Variants in CYP39A1 observed in about 807,000 individuals in gnomAD.
CYP39A1 encodes the protein 24-hydroxycholesterol 7-alpha-hydroxylase.
In CYP39A1, 49 loss-of-function variants were observed where a neutral mutation model predicts 58.1. The observed-to-expected ratio is 0.84, with a 90% CI of 0.67 to 1.07. CYP39A1 has a LOEUF of 1.07. Ranked by LOEUF, CYP39A1 falls within the 50% of genes least tolerant of loss-of-function variation. The probability of loss-of-function intolerance (pLI) is 0.00; values close to 1 mark genes in which losing one functional copy is unlikely to be tolerated. For synonymous variants in CYP39A1, 209 were observed against 187.6 expected (o/e 1.11, Z -0.93); for missense variants, 531 against 539.4 (o/e 0.98, Z 0.16).
intron 5 of CYP39A1, among the ~76,000 whole-genome samples, chr6:46,631,963 CTT>C (rs1442645710): frequency 6.6e-6 from 1 of 152,178 alleles, no homozygotes; most frequent in Non-Finnish European, 1.5e-5. Flanking sequence ...TCTTAAATAA[CTT>C]ATGTCTAGGT....
intron 11 of CYP39A1, among the ~76,000 whole-genome samples, chr6:46,553,207 T>C (rs1582278353): frequency 6.6e-6 from 1 of 152,178 alleles, no homozygotes; most frequent in East Asian, 1.9e-4. Context: ...GTGATGCTGA[T>C]GCTCACACCA....
chr6:46,617,322 G>T (rs76397223), intron 7 of CYP39A1, among the ~76,000 whole-genome samples: 2 of 152,136 alleles, frequency 1.3e-5, no homozygotes, highest in Non-Finnish European at 2.9e-5. Context: ...TGTTATAAAT[G>T]TTAATACATA....
rs1771541912 is a variant in CYP39A1 at position 46,570,724 on chromosome 6, T to G, written c.1250+16353A>C. Among the ~76,000 whole-genome samples, 5 of 152,070 alleles carry G rather than the reference T, an allele frequency of 3.3e-5. No individual in the cohort carries two copies. In the South Asian group the frequency reaches 1.0e-3, roughly 32 times the overall value. ...CAGCATGCAACACAGGGAGAGAGAA[T>G]GCAAGAGAGAAATGGGAGAGGTTCC... is the stretch of plus-strand genomic sequence containing the variant. On this transcript the variant is annotated intron_variant, in intron 10 of 11. Transcript: ENST00000275016.
intron 10 of CYP39A1, among the ~76,000 whole-genome samples, chr6:46,561,401 C>G (rs1478614188): frequency 6.6e-6 from 1 of 152,148 alleles, no homozygotes; most frequent in East Asian, 1.9e-4. Context: ...GCGAAAAAGA[C>G]AGTCAACAAT....
intron 10 of CYP39A1, among the ~76,000 whole-genome samples, chr6:46,569,079 G>A (rs1228853474): frequency 6.6e-6 from 1 of 152,014 alleles, no homozygotes; most frequent in East Asian, 1.9e-4. Context: ...ATAGTTTTCA[G>A]TGTATAACTC....
At chr6:46,600,926 A>G (rs1773457895) in intron 7 of CYP39A1, among the ~76,000 whole-genome samples, 1 of 152,164 alleles carries the variant, frequency 6.6e-6, no homozygotes, top group African/African-American at 2.4e-5. Context: ...AGTTGGACAG[A>G]AGTGTGAATA....
intron 10 of CYP39A1, among the ~76,000 whole-genome samples, chr6:46,566,282 AT>A (rs1771270058): frequency 6.6e-6 from 1 of 152,170 alleles, no homozygotes; most frequent in Non-Finnish European, 1.5e-5. Context: ...GTATTGGTCC[AT>A]TTTTATACTG....
intron 11 of CYP39A1, among the ~76,000 whole-genome samples, chr6:46,552,290 T>G (rs1770442566): frequency 6.6e-6 from 1 of 152,166 alleles, no homozygotes; most frequent in Non-Finnish European, 1.5e-5. Flanking sequence ...CTGACCCTGA[T>G]GTTCATTTTG....
chr6:46,609,692 C>G (rs1407067711), intron 7 of CYP39A1, among the ~76,000 whole-genome samples: 1 of 152,134 alleles, frequency 6.6e-6, no homozygotes. Flanking sequence ...CTTTAACACA[C>G]AAGGCTTGTG....
Position 46,550,430 on chromosome 6 carries a change from A to G in CYP39A1, c.1346T>C (p.Leu449Pro). 6.2e-7 allele frequency: 1 copy of G among 1,611,490 alleles called. No homozygotes were observed. The part of the protein sequence containing the change: ...LLDPLPKQSY[L>P]HLVGVPQPEG... ...CGGCTGGGGGACACCCACCAAATGG[A>G]GATAACTCTAAAAACAGAAATGCAG... The change falls in exon 12 of 12, where the codon CTC becomes CCC. Residue 449 changes from leucine to proline, a missense_variant. Leu to Pro is a moderately conservative substitution (Grantham distance 98). Transcript: ENST00000275016.
At chr6:46,571,513 G>A (rs1049821603) in intron 10 of CYP39A1, among the ~76,000 whole-genome samples, 5 of 151,870 alleles carry the variant, frequency 3.3e-5, no homozygotes, top group South Asian at 2.1e-4. Context: ...CTGAATTAAC[G>A]TCTAGTTTGT....
At chr6:46,606,958 T>C (rs1343446565) in intron 7 of CYP39A1, among the ~76,000 whole-genome samples, 1 of 152,140 alleles carries the variant, frequency 6.6e-6, no homozygotes, top group African/African-American at 2.4e-5. Context: ...CCATCTAATG[T>C]CACAAATATT....
intron 1 of CYP39A1, among the ~76,000 whole-genome samples, chr6:46,647,257 G>C (rs1762382831): frequency 6.6e-6 from 1 of 151,980 alleles, no homozygotes; most frequent in African/African-American, 2.4e-5. Context: ...CAAAGACTCA[G>C]AAAAATTGAA....
intron 7 of CYP39A1, among the ~76,000 whole-genome samples, chr6:46,602,971 T>G (rs575581751): frequency 6.7e-6 from 1 of 149,610 alleles, no homozygotes; most frequent in South Asian, 2.1e-4. Context: ...AACTAAATAA[T>G]GTGATGATCA....
chr6:46,552,183 G>C (rs957987372), intron 11 of CYP39A1, among the ~76,000 whole-genome samples: 1 of 152,116 alleles, frequency 6.6e-6, no homozygotes, highest in African/African-American at 2.4e-5. Context: ...GTGTCCTCTT[G>C]CTGGTGAGAA....
rs190686243 is a variant in CYP39A1, at chr6:46,625,143, G to C, written c.931+275C>G. On this transcript the variant is annotated intron_variant, in intron 7 of 11. Coordinates refer to ENST00000275016, the MANE Select transcript of CYP39A1 (RefSeq NM_016593.5). ...TCCAAGACATTAGAAGAACAAACAG[G>C]TGTATATATATTTAAGTAAGGAAAT... Among the ~76,000 whole-genome samples, 236 of 152,132 alleles carry C rather than the reference G, an allele frequency of 1.6e-3. 1 individual carries two copies. The highest frequency in any genetic ancestry group is 5.4e-3 in the African/African-American group (224 of 41,506).
At chr6:46,568,176 A>C (rs1467712001) in intron 10 of CYP39A1, among the ~76,000 whole-genome samples, 1 of 152,032 alleles carries the variant, frequency 6.6e-6, no homozygotes, top group African/African-American at 2.4e-5. Context: ...GCATCTTTTC[A>C]TGTGCTTACT....
At position 46,640,027 on chromosome 6, in the gene CYP39A1, G is replaced by A. The variant is rs545061085; in HGVS notation, c.314-359C>T. ...CTGGGGAGGCTGAGGCAGAAGAATC[G>A]CTTGAACCCAGGAGTTGGAGTCGCA... On this transcript the variant is annotated intron_variant, in intron 2 of 11. Transcript: ENST00000275016. 5.9e-5 allele frequency among the ~76,000 whole-genome samples: 9 copies of A among 152,242 alleles called. No individual in the cohort carries two copies. In the South Asian group the frequency reaches 8.3e-4, roughly 14 times the overall value.
chr6:46,560,857 T>C (rs558607897), intron 10 of CYP39A1, among the ~76,000 whole-genome samples: 4 of 151,760 alleles, frequency 2.6e-5, no homozygotes, highest in South Asian at 2.1e-4. Context: ...GCAAAGGAGA[T>C]GGGAAAGAAG....
Sources: allele counts gnomAD v4.1 joint callset (sites outside exome capture counted in the v4.1 genomes callset), GRCh38; gene constraint gnomAD v4.1.1; transcripts MANE v1.5; gene names NCBI Gene and HGNC (gene_info 2026-07-23, HGNC 2026-07-21).